Variants in PGCKA1 observed in about 807,000 individuals in gnomAD.
The protein encoded by PGCKA1 is PDCD10 and GCKIII kinases associated 1.
At chr4:37,473,876 G>A in the PGCKA1 span, among the ~76,000 whole-genome samples, 33 of 152,170 alleles carry the variant, frequency 2.2e-4, no homozygotes, top group East Asian at 1.5e-3. Flanking sequence ...AACTACTTCC[G>A]GTAGGGCATA....
At chr4:37,481,704 C>G in the PGCKA1 span, among the ~76,000 whole-genome samples, 12 of 152,252 alleles carry the variant, frequency 7.9e-5, no homozygotes, top group Admixed American at 2.6e-4. Context: ...TTCATTTCCT[C>G]TTTGAAGGCT....
chr4:37,476,512 G>T, the PGCKA1 span, among the ~76,000 whole-genome samples: 1 of 152,036 alleles, frequency 6.6e-6, no homozygotes, highest in African/African-American at 2.4e-5. Context: ...TCATGTTTAT[G>T]CAGGCACCTA....
the PGCKA1 span, among the ~76,000 whole-genome samples, chr4:37,570,697 G>A: frequency 6.6e-6 from 1 of 152,210 alleles, no homozygotes; most frequent in Non-Finnish European, 1.5e-5. Flanking sequence ...TTAGCAAATT[G>A]TTGGAAATTT....
the PGCKA1 span, among the ~76,000 whole-genome samples, chr4:37,454,905 A>G: frequency 1.3e-5 from 2 of 152,232 alleles, no homozygotes; most frequent in East Asian, 1.9e-4. Context: ...TACCTGCCCC[A>G]TGATGGATAT....
chr4:37,522,322 T>TTTCCAAAGGCAGAGGAGCCTCACCC, the PGCKA1 span, among the ~76,000 whole-genome samples: 16 of 152,256 alleles, frequency 1.1e-4, no homozygotes, highest in Admixed American at 8.5e-4. Context: ...TTCCCTCACC[T>TTTCCAAAGGCAGAGGAGCCTCACCC]TTCCAAAGGC....
At chr4:37,572,695 G>A in the PGCKA1 span, among the ~76,000 whole-genome samples, 1 of 152,096 alleles carries the variant, frequency 6.6e-6, no homozygotes, top group Admixed American at 6.5e-5. Context: ...TTAGGAATGG[G>A]AACTGAGTCT....
chr4:37,543,824 A>T, the PGCKA1 span, among the ~76,000 whole-genome samples: 1 of 120,872 alleles, frequency 8.3e-6, no homozygotes, highest in Non-Finnish European at 1.9e-5. Flanking sequence ...ACAGAGCAAG[A>T]CTCCGTCTCA....
chr4:37,480,805 G>A, the PGCKA1 span, among the ~76,000 whole-genome samples: 2 of 152,240 alleles, frequency 1.3e-5, no homozygotes, highest in Admixed American at 6.5e-5. Flanking sequence ...GTTTCTGGTT[G>A]GAAATGTTAT....
At chr4:37,551,791 C>G in the PGCKA1 span, among the ~76,000 whole-genome samples, 4 of 152,190 alleles carry the variant, frequency 2.6e-5, no homozygotes, top group Non-Finnish European at 5.9e-5. Flanking sequence ...TAGAAACCTG[C>G]TTACTGCTCC....
chr4:37,544,408 C>T, the PGCKA1 span, among the ~76,000 whole-genome samples: 2 of 152,132 alleles, frequency 1.3e-5, no homozygotes, highest in African/African-American at 4.8e-5. Flanking sequence ...AAAATTTTCT[C>T]AAATTATTTT....
At chr4:37,468,728 T>C in the PGCKA1 span, among the ~76,000 whole-genome samples, 3 of 142,102 alleles carry the variant, frequency 2.1e-5, no homozygotes, top group Admixed American at 7.2e-5. Context: ...TGCTTGATGT[T>C]TTAGACTCTG....
At chr4:37,533,379 C>G in the PGCKA1 span, among the ~76,000 whole-genome samples, 1 of 152,092 alleles carries the variant, frequency 6.6e-6, no homozygotes, top group Non-Finnish European at 1.5e-5. Flanking sequence ...TACCCTGTAC[C>G]ACTCTCTAGA....
chr4:37,543,751 G>A, the PGCKA1 span, among the ~76,000 whole-genome samples: 1,237 of 151,672 alleles, frequency 8.2e-3, 18 homozygotes, highest in African/African-American at 0.029. Flanking sequence ...GGAGAATGGC[G>A]TGAACCCAGG....
the PGCKA1 span, among the ~76,000 whole-genome samples, chr4:37,485,548 G>T: frequency 6.6e-6 from 1 of 152,052 alleles, no homozygotes; most frequent in Non-Finnish European, 1.5e-5. Context: ...AGAACTTTAA[G>T]AAATAAATCT....
chr4:37,515,664 T>A, the PGCKA1 span, among the ~76,000 whole-genome samples: 1 of 152,292 alleles, frequency 6.6e-6, no homozygotes, highest in Admixed American at 6.5e-5. Flanking sequence ...ATCTAGTGGC[T>A]CCCCATCCTC....
At chr4:37,500,621 A>T in the PGCKA1 span, among the ~76,000 whole-genome samples, 8 of 152,212 alleles carry the variant, frequency 5.3e-5, no homozygotes, top group Non-Finnish European at 1.0e-4. Context: ...AGTTCTGTAG[A>T]TATTTATCAG....
At chr4:37,488,879 A>C in the PGCKA1 span, among the ~76,000 whole-genome samples, 1 of 152,262 alleles carries the variant, frequency 6.6e-6, no homozygotes, top group East Asian at 1.9e-4. Context: ...ACCCTTGAAC[A>C]ACACAGGTTC....
chr4:37,454,550 T>C, the PGCKA1 span, among the ~76,000 whole-genome samples: 3 of 152,220 alleles, frequency 2.0e-5, no homozygotes, highest in Non-Finnish European at 4.4e-5. Flanking sequence ...CCAGGGGTGC[T>C]GGCGGCCTGG....
At chr4:37,505,491 T>G in the PGCKA1 span, among the ~76,000 whole-genome samples, 15,858 of 152,180 alleles carry the variant, frequency 0.1, 1,072 homozygotes, top group South Asian at 0.24. Flanking sequence ...GATAAAGACA[T>G]ACCTGAGACT....
Sources: allele counts gnomAD v4.1 joint callset (sites outside exome capture counted in the v4.1 genomes callset), GRCh38; gene constraint gnomAD v4.1.1; transcripts MANE v1.5; gene names NCBI Gene and HGNC (gene_info 2026-07-23, HGNC 2026-07-21).